Variants in ABCC1 observed in about 807,000 individuals in gnomAD.
The protein encoded by ABCC1 is multidrug resistance-associated protein 1.
Under a neutral mutation model 172.9 loss-of-function variants are expected in ABCC1, and 83 were observed. The observed-to-expected ratio is 0.48, with a 90% CI of 0.40 to 0.58. The LOEUF (loss-of-function observed/expected upper bound fraction) is 0.58, where lower values mean the gene tolerates loss of function less well. ABCC1 is among the 20% of genes least tolerant of loss of function. The pLI is 0.00. For missense variants in ABCC1, 1,817 were observed against 2,002.7 expected, an observed-to-expected ratio of 0.91 and a Z score of 1.77; for synonymous variants, 937 against 825.2, an observed-to-expected ratio of 1.14 and a Z score of -2.32.
At chr16:15,981,813 T>C (rs1045819717) in intron 1 of ABCC1, among the ~76,000 whole-genome samples, 4 of 152,208 alleles carry the variant, frequency 2.6e-5, no homozygotes, top group African/African-American at 9.7e-5. Context: ...GGTTTTTCTT[T>C]TCCGTCACAT....
intron 1 of ABCC1, 109 bp from the exon 2 acceptor site, chr16:16,007,707 A>G (rs1034582310): frequency 1.3e-5 from 14 of 1,054,226 alleles, no homozygotes; most frequent in Non-Finnish European, 1.8e-5. Flanking sequence ...GATATATAGG[A>G]GCCTTGTCTG....
At chr16:15,953,761 C>T (rs1042552692) in intron 1 of ABCC1, among the ~76,000 whole-genome samples, 1 of 152,098 alleles carries the variant, frequency 6.6e-6, no homozygotes, top group African/African-American at 2.4e-5. Flanking sequence ...CTGTGGCATC[C>T]ACCAACTCAG....
intron 23 of ABCC1, among the ~76,000 whole-genome samples, chr16:16,120,306 G>A (rs1397111493): frequency 6.6e-6 from 1 of 152,180 alleles, no homozygotes; most frequent in Non-Finnish European, 1.5e-5. Flanking sequence ...CAGGAACCCC[G>A]GGCTCACCAG....
intron 9 of ABCC1, among the ~76,000 whole-genome samples, chr16:16,047,134 G>A (rs1252515212): frequency 6.6e-6 from 1 of 152,110 alleles, no homozygotes; most frequent in African/African-American, 2.4e-5. Context: ...GGAGTTGGAG[G>A]CTGCAGTGAG....
chr16:16,046,179 T>C (rs767255765), intron 9 of ABCC1, among the ~76,000 whole-genome samples, 166 bp downstream of exon 9: 8 of 152,084 alleles, frequency 5.3e-5, no homozygotes, highest in Non-Finnish European at 8.8e-5. Flanking sequence ...CATCAGGCAT[T>C]GTACGTTAGG....
At chr16:16,130,104 C>T (rs1257899856) in intron 26 of ABCC1, among the ~76,000 whole-genome samples, 1 of 152,224 alleles carries the variant, frequency 6.6e-6, no homozygotes, top group East Asian at 1.9e-4. Context: ...TGTCCCTGGG[C>T]AAGTTACCGC....
intron 5 of ABCC1, among the ~76,000 whole-genome samples, chr16:16,022,593 C>T (rs1056274485): frequency 1.3e-5 from 2 of 152,152 alleles, no homozygotes; most frequent in African/African-American, 2.4e-5. Context: ...TCATCCCAGA[C>T]CTACCAAGTC....
At chr16:16,083,879 C>G (rs1395541324) in intron 17 of ABCC1, among the ~76,000 whole-genome samples, 1 of 152,142 alleles carries the variant, frequency 6.6e-6, no homozygotes, top group Non-Finnish European at 1.5e-5. Context: ...ACTCACAAAG[C>G]AAGTCACTTG....
At chr16:16,012,436 T>G (rs909237288) in intron 3 of ABCC1, among the ~76,000 whole-genome samples, 1 of 151,884 alleles carries the variant, frequency 6.6e-6, no homozygotes, top group Non-Finnish European at 1.5e-5. Flanking sequence ...TGCTTTGTCC[T>G]GAATTCGGGT....
At chr16:15,965,619 A>G (rs955520856) in intron 1 of ABCC1, among the ~76,000 whole-genome samples, 2 of 151,054 alleles carry the variant, frequency 1.3e-5, no homozygotes, top group East Asian at 3.9e-4. Context: ...CTTTTTTGAG[A>G]CAGCATCTTA....
chr16:15,993,628 C>T (rs1288329509), intron 1 of ABCC1, among the ~76,000 whole-genome samples: 1 of 152,036 alleles, frequency 6.6e-6, no homozygotes, highest in Non-Finnish European at 1.5e-5. Context: ...TATTTGGGCT[C>T]AAATACCAGC....
chr16:16,128,489 T>C (rs1190322863), intron 26 of ABCC1, among the ~76,000 whole-genome samples: 2 of 152,156 alleles, frequency 1.3e-5, no homozygotes, highest in East Asian at 3.8e-4. Flanking sequence ...TGACTGACTT[T>C]TATATTTTTA....
chr16:16,119,678 G>A (rs927402323), intron 23 of ABCC1, among the ~76,000 whole-genome samples: 1 of 152,164 alleles, frequency 6.6e-6, no homozygotes, highest in African/African-American at 2.4e-5. Flanking sequence ...GTGACAGAGC[G>A]AGACTGTCTT....
intron 1 of ABCC1, among the ~76,000 whole-genome samples, chr16:15,955,131 G>A (rs1342088225): frequency 1.3e-5 from 2 of 152,108 alleles, no homozygotes; most frequent in African/African-American, 2.4e-5. Flanking sequence ...CAAGGCAGAC[G>A]GATCATTTGA....
At chr16:15,974,724 T>C (rs865883160) in intron 1 of ABCC1, among the ~76,000 whole-genome samples, 3 of 152,318 alleles carry the variant, frequency 2.0e-5, no homozygotes, top group Middle Eastern at 3.4e-3. Context: ...ATATCAAAGA[T>C]AGCAAAATAG....
chr16:16,065,343 C>T (rs1206129959), intron 12 of ABCC1, among the ~76,000 whole-genome samples: 1 of 152,194 alleles, frequency 6.6e-6, no homozygotes, highest in Non-Finnish European at 1.5e-5. Context: ...TCACTGCAGC[C>T]TCGACCTCCT....
In ABCC1 at chr16:15,988,341, C is replaced by T. The variant is rs1362559750; in HGVS notation, c.49-19475C>T. Among the ~76,000 whole-genome samples the T allele has an allele frequency of 6.6e-5, 10 of 152,282 alleles. No homozygotes were observed. In the East Asian group the frequency reaches 1.9e-3, roughly 29 times the overall value. ...CTGTCTCTTCTCTTTAGGCTGTCAG[C>T]TCCAGGAGGGCCGGCCCTTGGTCCC... On this transcript the variant is annotated intron_variant, in intron 1 of 30. Coordinates refer to ENST00000399410, the MANE Select transcript of ABCC1 (RefSeq NM_004996.4).
intron 9 of ABCC1, among the ~76,000 whole-genome samples, chr16:16,047,013 T>A (rs1181894246): frequency 6.6e-6 from 1 of 152,004 alleles, no homozygotes; most frequent in Non-Finnish European, 1.5e-5. Context: ...CTGGTCAATA[T>A]AGCAAGACCC....
At chr16:16,041,171 G>A (rs577619933) in intron 7 of ABCC1, among the ~76,000 whole-genome samples, 33 of 149,630 alleles carry the variant, frequency 2.2e-4, no homozygotes, top group African/African-American at 6.7e-4. Flanking sequence ...AGCTCAAGCA[G>A]TCCACCTACC....
Sources: gnomAD v4.1 joint callset for allele counts (sites outside exome capture counted in the v4.1 genomes callset) on GRCh38, gnomAD v4.1.1 for gene constraint, MANE v1.5 for transcripts, NCBI Gene and HGNC (gene_info 2026-07-23, HGNC 2026-07-21) for gene names.